UNC13C: variants seen among roughly 807,000 people sequenced by gnomAD.
UNC13C encodes protein unc-13 homolog C.
Under a neutral mutation model 245.4 loss-of-function variants are expected in UNC13C, and 174 were observed. That is an observed-to-expected ratio of 0.71 (90% CI 0.63 to 0.80). The LOEUF (loss-of-function observed/expected upper bound fraction) is 0.80. UNC13C is among the 30% of genes least tolerant of loss of function. The pLI is 0.00. For missense variants in UNC13C, 2,829 were observed against 2,602.9 expected (o/e 1.09, Z -1.89); for synonymous variants, 992 against 895.1 (o/e 1.11, Z -1.93).
chr15:53,942,005 A>G, the UNC13C span, among the ~76,000 whole-genome samples: 1 of 152,196 alleles, frequency 6.6e-6, no homozygotes, highest in African/African-American at 2.4e-5. Context: ...GCAATACCTT[A>G]AAGACCTAGA....
intron 2 of UNC13C, among the ~76,000 whole-genome samples, chr15:54,070,902 A>T (rs1898292250): frequency 6.6e-6 from 1 of 152,172 alleles, no homozygotes; most frequent in Non-Finnish European, 1.5e-5. Flanking sequence ...ATTTTAATAG[A>T]CCACACTATC....
chr15:54,170,455 A>G (rs908732428), intron 4 of UNC13C, among the ~76,000 whole-genome samples: 7 of 152,340 alleles, frequency 4.6e-5, no homozygotes, highest in African/African-American at 1.2e-4. Context: ...GATGATCTAT[A>G]TATTCTGGGG....
intron 7 of UNC13C, among the ~76,000 whole-genome samples, chr15:54,245,233 A>G (rs1337193857): frequency 6.6e-6 from 1 of 152,150 alleles, no homozygotes; most frequent in East Asian, 1.9e-4. Flanking sequence ...AATTGGGAAA[A>G]AAGAACATTT....
At chr15:54,143,065 C>G in intron 3 of UNC13C, 25 bp downstream of exon 3, 3 of 1,601,076 alleles carry the variant, frequency 1.9e-6, no homozygotes, top group South Asian at 1.1e-5. Context: ...TTATTCTTCC[C>G]TCCTGAGGAA....
chr15:54,354,250 A>G (rs532380385), intron 17 of UNC13C, among the ~76,000 whole-genome samples: 3 of 152,056 alleles, frequency 2.0e-5, no homozygotes, highest in Admixed American at 6.5e-5. Flanking sequence ...TTTGTGAATC[A>G]TCTTACTCAT....
At chr15:54,269,922 A>G (rs977229778) in intron 10 of UNC13C, among the ~76,000 whole-genome samples, 2 of 152,236 alleles carry the variant, frequency 1.3e-5, no homozygotes, top group African/African-American at 4.8e-5. Context: ...ATATATAAGT[A>G]CATAATATTT....
At chr15:54,327,244 T>C (rs2038321024) in intron 14 of UNC13C, among the ~76,000 whole-genome samples, 1 of 152,076 alleles carries the variant, frequency 6.6e-6, no homozygotes, top group African/African-American at 2.4e-5. Context: ...TTTACTTGAG[T>C]ATATACATGC....
intron 18 of UNC13C, among the ~76,000 whole-genome samples, chr15:54,408,199 CAA>C (rs71105808): frequency 1.7e-4 from 5 of 29,124 alleles, no homozygotes; most frequent in Non-Finnish European, 2.3e-4. Flanking sequence ...GACTCTGCCT[CAA>C]AAAAAAAAAA....
At chr15:54,333,701 T>C in intron 15 of UNC13C, 66 bp from the exon 16 acceptor site, 1 of 973,346 alleles carries the variant, frequency 1.0e-6, no homozygotes, top group Non-Finnish European at 1.6e-6. Context: ...AAGCTAGTTT[T>C]AGTTTATTTT....
chr15:53,936,113 A>AAGACTGCCTG, the UNC13C span, among the ~76,000 whole-genome samples: 1 of 152,298 alleles, frequency 6.6e-6, no homozygotes, highest in African/African-American at 2.4e-5. Flanking sequence ...CAGCAGGCTG[A>AAGACTGCCTG]AGACTGCCTG....
At chr15:53,930,969 T>C in the UNC13C span, among the ~76,000 whole-genome samples, 1 of 152,148 alleles carries the variant, frequency 6.6e-6, no homozygotes, top group Admixed American at 6.5e-5. Flanking sequence ...AAATACTCTC[T>C]AGTCAAAATG....
rs1249764395 is a variant in UNC13C, at chr15:54,011,950, A to G, written c.-256-698A>G. Among the ~76,000 whole-genome samples, 40 of 152,234 alleles carry G rather than the reference A, an allele frequency of 2.6e-4. 1 individual carries two copies. Among genetic ancestry groups the G allele is most frequent in the Admixed American group, 2.6e-3 (40 of 15,282 alleles). The stretch of plus-strand genomic sequence containing the variant: ...AAGTAGATTATCTTCCCAAACACAT[A>G]CTGGAATACCAACAAAGCCTTTTGA... On this transcript the variant is annotated intron_variant, in intron 1 of 32. Coordinates refer to ENST00000260323, the MANE Select transcript of UNC13C (RefSeq NM_001080534.3).
intron 17 of UNC13C, among the ~76,000 whole-genome samples, chr15:54,348,630 T>G (rs958438197): frequency 6.6e-6 from 1 of 152,190 alleles, no homozygotes; most frequent in Admixed American, 6.5e-5. Context: ...TACCTGAATT[T>G]AAATGTGGAA....
At chr15:54,165,923 T>G (rs2033148609) in intron 4 of UNC13C, among the ~76,000 whole-genome samples, 1 of 152,090 alleles carries the variant, frequency 6.6e-6, no homozygotes, top group Non-Finnish European at 1.5e-5. Context: ...TTTGTATTAT[T>G]TTTAACAGGT....
chr15:54,250,205 A>T lies in UNC13C; in HGVS notation c.3229-20A>T. On this transcript the variant is annotated intron_variant, in intron 7 of 32. Coordinates refer to ENST00000260323, the MANE Select transcript of UNC13C (RefSeq NM_001080534.3). ...TCCACTGACTTGGCGGTGCATTGGT[A>T]ACTTCTCTCATGTTCACAGAAAATG... 1 of 1,608,528 alleles carries T rather than the reference A, an allele frequency of 6.2e-7. No individual in the cohort carries two copies. The highest frequency in any genetic ancestry group is 1.1e-5 in the South Asian group (1 of 90,932).
At chr15:54,508,705 A>G (rs967420853) in intron 23 of UNC13C, among the ~76,000 whole-genome samples, 1 of 152,174 alleles carries the variant, frequency 6.6e-6, no homozygotes, top group African/African-American at 2.4e-5. Flanking sequence ...TTTTCATTCA[A>G]GGCAAATTGA....
intron 30 of UNC13C, among the ~76,000 whole-genome samples, chr15:54,603,232 A>C (rs565441610): frequency 6.6e-6 from 1 of 152,274 alleles, no homozygotes; most frequent in South Asian, 2.1e-4. Context: ...AGGATCCAAA[A>C]ATTAGGCTGC....
intron 2 of UNC13C, 108 bp downstream of exon 2, chr15:54,015,994 T>A: frequency 2.1e-6 from 2 of 951,422 alleles, no homozygotes; most frequent in East Asian, 5.3e-5. Context: ...TTACTTGCAA[T>A]GACTTTCCAT....
chr15:54,057,697 C>A (rs1304192850), intron 2 of UNC13C, among the ~76,000 whole-genome samples: 1 of 152,100 alleles, frequency 6.6e-6, no homozygotes, highest in Non-Finnish European at 1.5e-5. Context: ...CCAAAATTGA[C>A]CACACAGTTG....
Sources: gnomAD v4.1 joint callset for allele counts (sites outside exome capture counted in the v4.1 genomes callset) on GRCh38, gnomAD v4.1.1 for gene constraint, MANE v1.5 for transcripts, NCBI Gene and HGNC (gene_info 2026-07-23, HGNC 2026-07-21) for gene names.